Variants in NXN observed in about 807,000 individuals in gnomAD.
NXN encodes the protein nucleoredoxin.
NXN carries 16 observed loss-of-function variants against 48.6 expected under a neutral mutation model. The ratio of observed to expected loss-of-function variants is 0.33; its 90% CI spans 0.22 to 0.50. NXN has a LOEUF of 0.50. Among genes scored for constraint, NXN ranks in the 20% least tolerant of loss-of-function variants. The pLI, the probability that NXN is intolerant of heterozygous loss-of-function variation, is 0.98. For synonymous variants in NXN, 281 were observed against 269.6 expected, an observed-to-expected ratio of 1.04 and a Z score of -0.41; for missense variants, 492 against 605.5, an observed-to-expected ratio of 0.81 and a Z score of 1.97.
chr17:958,722 A>G lies in NXN; in HGVS notation c.360+20597T>C, dbSNP rs373870992. 9.1e-4 allele frequency among the ~76,000 whole-genome samples: 138 copies of G among 152,276 alleles called. 1 individual carries two copies. The highest frequency in any genetic ancestry group is 3.4e-3 in the Middle Eastern group (1 of 294). On this transcript the variant is annotated intron_variant, in intron 1 of 7. Transcript: ENST00000336868. The surrounding 1 kb of genome is among the most constrained non-coding windows in gnomAD (Gnocchi z 6.9). ...GGTAGAAGTGAGCCCAGATTGTGCC[A>G]CTGAACTCCAGCACAGGCGACAGAG...
intron 1 of NXN, among the ~76,000 whole-genome samples, chr17:946,157 A>G (rs2069040981): frequency 6.7e-6 from 1 of 150,260 alleles, no homozygotes; most frequent in African/African-American, 2.4e-5. Context: ...TTTTTTTGAG[A>G]TGGAGTCTCG....
At chr17:966,953 G>A (rs892785037) in intron 1 of NXN, among the ~76,000 whole-genome samples, 1 of 152,130 alleles carries the variant, frequency 6.6e-6, no homozygotes. Flanking sequence ...AGTTCTTCAC[G>A]GCCCAGCGGT....
At chr17:838,004 G>A (rs1017539921) in intron 1 of NXN, among the ~76,000 whole-genome samples, 2 of 151,922 alleles carry the variant, frequency 1.3e-5, no homozygotes, top group African/African-American at 2.4e-5. Context: ...TGCCGCACAC[G>A]TTCTTTCTGG....
chr17:862,895 G>A (rs535032582), intron 1 of NXN, among the ~76,000 whole-genome samples: 20 of 152,280 alleles, frequency 1.3e-4, no homozygotes, highest in Non-Finnish European at 1.6e-4. Context: ...TGCTCTAAAC[G>A]TATCAATGCT....
intron 1 of NXN, among the ~76,000 whole-genome samples, chr17:904,164 G>A (rs752410937): frequency 6.6e-6 from 1 of 152,138 alleles, no homozygotes; most frequent in Non-Finnish European, 1.5e-5. Flanking sequence ...TCACCGCGTC[G>A]ACTGCCCTAA....
chr17:878,066 A>AGAC (rs1372236499), intron 1 of NXN: 3 of 152,290 alleles, frequency 2.0e-5, no homozygotes, highest in Non-Finnish European at 4.4e-5. Context: ...GAGGGGAGAC[A>AGAC]GACGAGAGCT....
chr17:925,344 C>T (rs1183272226), intron 1 of NXN, among the ~76,000 whole-genome samples: 1 of 152,176 alleles, frequency 6.6e-6, no homozygotes, highest in Non-Finnish European at 1.5e-5. Flanking sequence ...CTTCAGAAAC[C>T]CCAAACCCAG....
At chr17:862,027 C>T (rs1255662149) in intron 1 of NXN, among the ~76,000 whole-genome samples, 1 of 152,084 alleles carries the variant, frequency 6.6e-6, no homozygotes, top group Non-Finnish European at 1.5e-5. Flanking sequence ...GACGGGGTTT[C>T]ACCACGTTTC....
intron 1 of NXN, among the ~76,000 whole-genome samples, chr17:957,219 AC>A: frequency 6.6e-6 from 1 of 151,928 alleles, no homozygotes; most frequent in Middle Eastern, 3.4e-3. Context: ...CATCCCTGTC[AC>A]CACCCCCCTC....
chr17:813,174 C>T (rs929917309), intron 5 of NXN, among the ~76,000 whole-genome samples: 2 of 152,258 alleles, frequency 1.3e-5, no homozygotes, highest in Admixed American at 6.5e-5. Flanking sequence ...AGTTTTGTGA[C>T]GCTACAAAGC....
At chr17:863,060 C>A (rs895295129) in intron 1 of NXN, among the ~76,000 whole-genome samples, 5 of 152,204 alleles carry the variant, frequency 3.3e-5, no homozygotes, top group African/African-American at 1.2e-4. Context: ...GGGACCCCCA[C>A]ATATTCCAAA....
At chr17:871,045 T>C (rs1034930413) in intron 1 of NXN, among the ~76,000 whole-genome samples, 5 of 152,002 alleles carry the variant, frequency 3.3e-5, no homozygotes, top group African/African-American at 9.7e-5. Context: ...GTATTTTTAG[T>C]AGAGACGGGG....
intron 1 of NXN, among the ~76,000 whole-genome samples, chr17:826,649 C>T (rs1407809805): frequency 6.6e-6 from 1 of 152,204 alleles, no homozygotes; most frequent in Non-Finnish European, 1.5e-5. Context: ...CAGAAGGCCA[C>T]GGAGTTAACA....
intron 1 of NXN, among the ~76,000 whole-genome samples, chr17:837,479 A>C (rs535972498): frequency 1.2e-4 from 19 of 152,334 alleles, no homozygotes; most frequent in Admixed American, 3.3e-4. Flanking sequence ...ATAGATGAAC[A>C]ACAAATGAAC....
chr17:895,785 T>C (rs538167047), intron 1 of NXN, among the ~76,000 whole-genome samples: 4 of 4,324 alleles, frequency 9.3e-4, no homozygotes, highest in South Asian at 0.014. Flanking sequence ...ACCACTGCAC[T>C]CCAGCCTGGG....
At chr17:952,173 G>C (rs974031567) in intron 1 of NXN, among the ~76,000 whole-genome samples, 1 of 125,836 alleles carries the variant, frequency 7.9e-6, no homozygotes, top group Non-Finnish European at 1.9e-5. Context: ...AGGTCACACT[G>C]TGGGGGGGCT....
intron 5 of NXN, among the ~76,000 whole-genome samples, chr17:809,756 C>T (rs1399382146): frequency 3.3e-5 from 4 of 120,186 alleles, no homozygotes; most frequent in East Asian, 5.5e-4. Context: ...CAAATTTTTG[C>T]GCCACACTGT....
chr17:853,505 G>A (rs947574061), intron 1 of NXN, among the ~76,000 whole-genome samples: 1 of 151,740 alleles, frequency 6.6e-6, no homozygotes, highest in East Asian at 2.0e-4. Flanking sequence ...TTCCCACAGG[G>A]TGTCCCTCTG....
At chr17:850,153 C>T (rs2144743701) in intron 1 of NXN, among the ~76,000 whole-genome samples, 1 of 152,286 alleles carries the variant, frequency 6.6e-6, no homozygotes, top group East Asian at 1.9e-4. Context: ...ATCCTCACTG[C>T]TTAGAACGCC....
Sources: gnomAD v4.1 joint callset for allele counts (sites outside exome capture counted in the v4.1 genomes callset) on GRCh38, gnomAD v4.1.1 for gene constraint, Gnocchi (gnomAD v3.1) non-coding constraint, MANE v1.5 for transcripts, NCBI Gene and HGNC (gene_info 2026-07-23, HGNC 2026-07-21) for gene names.